Variants in ADAMTS18 observed in about 807,000 individuals in gnomAD.
ADAMTS18 encodes the protein A disintegrin and metalloproteinase with thrombospondin motifs 18.
In ADAMTS18, 157 loss-of-function variants were observed where a neutral mutation model predicts 165.9. That is an observed-to-expected ratio of 0.95 (90% CI 0.83 to 1.08). ADAMTS18 has a LOEUF of 1.08. ADAMTS18 is among the 50% of genes least tolerant of loss of function. ADAMTS18 has a pLI of 0.00. For missense variants in ADAMTS18, 2,040 were observed against 1,534.0 expected, an observed-to-expected ratio of 1.33 and a Z score of -5.51; for synonymous variants, 782 against 578.2, an observed-to-expected ratio of 1.35 and a Z score of -5.06.
At chr16:77,315,852 T>G (rs1240535218) in intron 16 of ADAMTS18, among the ~76,000 whole-genome samples, 3 of 152,214 alleles carry the variant, frequency 2.0e-5, no homozygotes, top group African/African-American at 7.2e-5. Context: ...TCATGCATTT[T>G]AAACACACAC....
Position 77,434,822 on chromosome 16 carries a change from C to A in ADAMTS18, c.-127G>T. On this transcript the variant is annotated 5_prime_UTR_variant, in exon 1 of 23. Transcript: ENST00000282849. ...TGCGGCTCCAGGTGAGAGCCGCCGC[C>A]GTTCACATCGCAGCGGGGGCGCGCT... The A allele has an allele frequency of 9.4e-6, 7 of 741,622 alleles. No individual in the cohort carries two copies. The highest frequency in any genetic ancestry group is 1.3e-5 in the Non-Finnish European group (7 of 533,274). 45.9% of individuals were successfully genotyped at this position (741,622 alleles called of 1,614,324 possible).
intron 11 of ADAMTS18, among the ~76,000 whole-genome samples, chr16:77,338,486 C>A (rs8048973): frequency 6.6e-6 from 1 of 151,750 alleles, no homozygotes; most frequent in African/African-American, 2.4e-5. Context: ...ATATGCCCGC[C>A]GAGGCCCCCC....
chr16:77,288,323 G>A (rs1258376789), intron 22 of ADAMTS18, among the ~76,000 whole-genome samples: 4 of 151,986 alleles, frequency 2.6e-5, no homozygotes, highest in Admixed American at 1.3e-4. Flanking sequence ...GAACATGACC[G>A]CTTGCTCATT....
intron 1 of ADAMTS18, 38 bp from the exon 2 acceptor site, chr16:77,434,543 G>T (rs1038884826): frequency 2.0e-6 from 3 of 1,534,994 alleles, no homozygotes; most frequent in Non-Finnish European, 1.7e-6. Flanking sequence ...TGAGGGGCGC[G>T]GCGGGGCTGG....
intron 12 of ADAMTS18, among the ~76,000 whole-genome samples, chr16:77,332,281 C>T (rs1319704155): frequency 1.3e-5 from 2 of 152,152 alleles, no homozygotes; most frequent in Non-Finnish European, 2.9e-5. Flanking sequence ...TCTTCTCACT[C>T]CATCACATTC....
intron 16 of ADAMTS18, among the ~76,000 whole-genome samples, chr16:77,315,667 A>G (rs1340391509): frequency 6.6e-6 from 1 of 152,194 alleles, no homozygotes; most frequent in Non-Finnish European, 1.5e-5. Context: ...CCAAGGCTCA[A>G]CATTTCTTCA....
intron 11 of ADAMTS18, among the ~76,000 whole-genome samples, chr16:77,338,475 G>A (rs1158023170): frequency 6.7e-6 from 1 of 149,464 alleles, no homozygotes; most frequent in African/African-American, 2.5e-5. Context: ...GGCCTAAAGT[G>A]ATATGCCCGC....
At chr16:77,312,996 T>A (rs1250752196) in intron 16 of ADAMTS18, among the ~76,000 whole-genome samples, 1 of 152,136 alleles carries the variant, frequency 6.6e-6, no homozygotes, top group African/African-American at 2.4e-5. Flanking sequence ...CACACACACG[T>A]ATATTTATTG....
At chr16:77,398,567 A>T (rs543579049) in intron 3 of ADAMTS18, among the ~76,000 whole-genome samples, 1 of 152,230 alleles carries the variant, frequency 6.6e-6, no homozygotes, top group East Asian at 1.9e-4. Flanking sequence ...ATTTTAAGGC[A>T]TTGGTCTAGA....
intron 16 of ADAMTS18, among the ~76,000 whole-genome samples, chr16:77,314,371 G>T (rs549079875): frequency 6.6e-6 from 1 of 152,140 alleles, no homozygotes; most frequent in Non-Finnish European, 1.5e-5. Flanking sequence ...ACTTTGGGAG[G>T]CCGAGGCGGG....
chr16:77,323,953 G>A (rs770089582), intron 13 of ADAMTS18, among the ~76,000 whole-genome samples: 14 of 152,176 alleles, frequency 9.2e-5, no homozygotes, highest in Non-Finnish European at 1.8e-4. Context: ...CTACTCAGTG[G>A]AAACTGCAAT....
At chr16:77,373,247 T>G (rs901665780) in intron 3 of ADAMTS18, among the ~76,000 whole-genome samples, 3 of 152,026 alleles carry the variant, frequency 2.0e-5, no homozygotes, top group Admixed American at 6.5e-5. Flanking sequence ...TCCCAGCACT[T>G]TGGGAGGCTG....
At chr16:77,386,730 T>C (rs1163861465) in intron 3 of ADAMTS18, among the ~76,000 whole-genome samples, 1 of 152,198 alleles carries the variant, frequency 6.6e-6, no homozygotes, top group Non-Finnish European at 1.5e-5. Context: ...CCTTCTCTTA[T>C]AGCTGTCAGA....
At chr16:77,388,894 G>T (rs1278174701) in intron 3 of ADAMTS18, among the ~76,000 whole-genome samples, 1 of 152,192 alleles carries the variant, frequency 6.6e-6, no homozygotes. Context: ...AATGACTAAT[G>T]TCCAAATGGT....
At chr16:77,309,165 G>A (rs2055734327) in intron 16 of ADAMTS18, among the ~76,000 whole-genome samples, 1 of 151,678 alleles carries the variant, frequency 6.6e-6, no homozygotes, top group South Asian at 2.1e-4. Context: ...GAAACTATGT[G>A]ACTGCTAAAT....
chr16:77,377,385 A>C (rs2056968687), intron 3 of ADAMTS18, among the ~76,000 whole-genome samples: 1 of 152,218 alleles, frequency 6.6e-6, no homozygotes, highest in South Asian at 2.1e-4. Flanking sequence ...AGCTTCCTGA[A>C]GGCAGGGACC....
intron 3 of ADAMTS18, among the ~76,000 whole-genome samples, chr16:77,369,585 G>C (rs528947742): frequency 1.2e-4 from 19 of 152,292 alleles, no homozygotes; most frequent in Non-Finnish European, 2.4e-4. Context: ...ACGAGTTAAG[G>C]AGATTTAATC....
rs181335224 is a variant in ADAMTS18 at position 77,320,013 on chromosome 16, C to A, written c.2368G>T (p.Ala790Ser). 1.2e-6 allele frequency: 2 copies of A among 1,613,986 alleles called. No individual in the cohort carries two copies. The highest frequency in any genetic ancestry group is 1.7e-6 in the Non-Finnish European group (2 of 1,180,020). The change falls in exon 16 of 23, where the codon GCA becomes TCA. Residue 790 changes from alanine (A) to serine (S), a missense_variant. Ala to Ser is a moderately conservative substitution (Grantham distance 99, BLOSUM62 1). Coordinates refer to ENST00000282849, the MANE Select transcript of ADAMTS18 (RefSeq NM_199355.4). Reference protein sequence around the residue: ...QELQVSSSYLAVRSLSQKYYL... With the variant: ...QELQVSSSYLSVRSLSQKYYL... ...TACTTTTGACTGAGGCTTCGAACTG[C>A]GAGGTAACTGGAGGAAACCTGCAGC... is the stretch of plus-strand genomic sequence containing the variant.
At chr16:77,371,433 A>T (rs919699073) in intron 3 of ADAMTS18, among the ~76,000 whole-genome samples, 2 of 152,130 alleles carry the variant, frequency 1.3e-5, no homozygotes, top group African/African-American at 4.8e-5. Flanking sequence ...AATAAAACAG[A>T]CACATAAAAC....
Sources: gnomAD v4.1 joint callset for allele counts (sites outside exome capture counted in the v4.1 genomes callset) on GRCh38, gnomAD v4.1.1 for gene constraint, MANE v1.5 for transcripts, NCBI Gene and HGNC (gene_info 2026-07-23, HGNC 2026-07-21) for gene names.